Variants in ADAM12 observed in about 807,000 individuals in gnomAD.
ADAM12 encodes disintegrin and metalloproteinase domain-containing protein 12.
A neutral mutation model predicts 106.4 loss-of-function variants in ADAM12; 70 were observed. The observed-to-expected ratio is 0.66, with a 90% CI of 0.54 to 0.80. The LOEUF (loss-of-function observed/expected upper bound fraction) is 0.80, where lower values mean the gene tolerates loss of function less well. Ranked by LOEUF, ADAM12 falls within the 30% of genes least tolerant of loss-of-function variation. The probability of loss-of-function intolerance (pLI) is 0.00; values close to 1 mark genes in which losing one functional copy is unlikely to be tolerated. For synonymous variants in ADAM12, 420 were observed against 433.5 expected (o/e 0.97, Z 0.39); for missense variants, 1,010 against 1,171.9 (o/e 0.86, Z 2.02).
At chr10:126,331,263 G>GTCA (rs1269332252) in intron 1 of ADAM12, among the ~76,000 whole-genome samples, 1 of 152,134 alleles carries the variant, frequency 6.6e-6, no homozygotes, top group Non-Finnish European at 1.5e-5. Flanking sequence ...CTCCTATGAG[G>GTCA]TCATGCTCCT....
At chr10:126,288,393 T>C (rs1158108748) in intron 2 of ADAM12, among the ~76,000 whole-genome samples, 1 of 152,056 alleles carries the variant, frequency 6.6e-6, no homozygotes, top group Non-Finnish European at 1.5e-5. Flanking sequence ...GGATTCCACA[T>C]CCTCCTGCTC....
chr10:126,130,961 T>C (rs1333353310), intron 5 of ADAM12, among the ~76,000 whole-genome samples: 4 of 152,224 alleles, frequency 2.6e-5, no homozygotes, highest in African/African-American at 9.7e-5. Context: ...GATAGCCCTA[T>C]AAAGATAACC....
intron 1 of ADAM12, among the ~76,000 whole-genome samples, chr10:126,347,388 T>C (rs1358851108): frequency 6.6e-6 from 1 of 152,190 alleles, no homozygotes; most frequent in Non-Finnish European, 1.5e-5. Flanking sequence ...TGCTGAGAGA[T>C]CAGCTGTTAG....
chr10:126,237,417 T>C (rs370245730), intron 3 of ADAM12, among the ~76,000 whole-genome samples: 30 of 152,338 alleles, frequency 2.0e-4, no homozygotes, highest in South Asian at 1.7e-3. Context: ...TATCATTAAC[T>C]TGGGGCCGAC....
chr10:126,257,681 T>G (rs1590694582), intron 3 of ADAM12, among the ~76,000 whole-genome samples: 1 of 152,350 alleles, frequency 6.6e-6, no homozygotes, highest in East Asian at 1.9e-4. Flanking sequence ...TGAAATAACT[T>G]GCATCCATCA....
At chr10:126,373,556 A>T (rs1029935337) in intron 1 of ADAM12, among the ~76,000 whole-genome samples, 27 of 152,222 alleles carry the variant, frequency 1.8e-4, no homozygotes, top group Non-Finnish European at 2.9e-5. Flanking sequence ...AGAGGCCATG[A>T]AATGAGGGTG....
At position 126,046,124 on chromosome 10, in the gene ADAM12, C is replaced by T; in HGVS notation, c.1926G>A (p.Leu642=). 1 of 1,614,064 alleles carries T rather than the reference C, an allele frequency of 6.2e-7. No individual in the cohort carries two copies. The highest frequency in any genetic ancestry group is 8.5e-7 in the Non-Finnish European group (1 of 1,179,920). Residue 642 remains leucine (L), a synonymous_variant, in exon 17 of 23, where the codon CTG becomes CTA. Transcript: ENST00000448723. ...GTKCADGKIC[L]NRQCQNISVF... ...CACTAATATTTTGACATTGACGATT[C>T]AGGCAGATCTGTAGGAGGAGGAAAA...
At chr10:126,331,481 T>G (rs1055567057) in intron 1 of ADAM12, among the ~76,000 whole-genome samples, 3 of 152,226 alleles carry the variant, frequency 2.0e-5, no homozygotes, top group Admixed American at 6.5e-5. Context: ...CCCCAAATAC[T>G]TTTAAATCCA....
chr10:126,047,314 C>T (rs990542330), intron 16 of ADAM12, among the ~76,000 whole-genome samples: 1 of 152,116 alleles, frequency 6.6e-6, no homozygotes, highest in African/African-American at 2.4e-5. Context: ...TTGGGAGAAG[C>T]GCTGGCCCAA....
At chr10:126,374,950 T>C (rs747914864) in intron 1 of ADAM12, among the ~76,000 whole-genome samples, 9 of 151,976 alleles carry the variant, frequency 5.9e-5, no homozygotes, top group Non-Finnish European at 1.3e-4. Context: ...ACCAAAGAAC[T>C]ACCTTAAAAG....
chr10:126,054,975 C>A (rs1227212082), intron 14 of ADAM12, among the ~76,000 whole-genome samples: 1 of 152,202 alleles, frequency 6.6e-6, no homozygotes, highest in Non-Finnish European at 1.5e-5. Flanking sequence ...CCATCTCCCT[C>A]ACACTTCATG....
chr10:126,193,031 C>G (rs1347799429), intron 3 of ADAM12, among the ~76,000 whole-genome samples: 1 of 151,908 alleles, frequency 6.6e-6, no homozygotes, highest in African/African-American at 2.4e-5. Flanking sequence ...TTTGGAAGAC[C>G]AAGGTGGGTG....
intron 16 of ADAM12, among the ~76,000 whole-genome samples, chr10:126,046,801 C>CAAAA (rs60056450): frequency 4.0e-5 from 2 of 49,910 alleles, no homozygotes; most frequent in Non-Finnish European, 8.3e-5. Context: ...GATTCCGTCT[C>CAAAA]AAAAAAAAAA....
chr10:126,027,594 TAAAC>T (rs1460761561), intron 21 of ADAM12, among the ~76,000 whole-genome samples: 4 of 149,946 alleles, frequency 2.7e-5, no homozygotes, highest in African/African-American at 1.0e-4. Flanking sequence ...ATTCATCACA[TAAAC>T]AGAACTAGAG....
intron 12 of ADAM12, among the ~76,000 whole-genome samples, chr10:126,070,992 C>G (rs1285283051): frequency 1.3e-5 from 2 of 152,136 alleles, no homozygotes; most frequent in Non-Finnish European, 2.9e-5. Flanking sequence ...GCTCGAGAGG[C>G]AGAAGCCTCA....
At chr10:126,273,703 C>G (rs1959193552) in intron 3 of ADAM12, among the ~76,000 whole-genome samples, 6 of 152,120 alleles carry the variant, frequency 3.9e-5, no homozygotes, top group Admixed American at 3.9e-4. Context: ...TAGGCATAAC[C>G]TGATTTCCAT....
At chr10:126,095,533 CAAAAAAAAAA>C (rs11396229) in intron 10 of ADAM12, among the ~76,000 whole-genome samples, 9 of 46,576 alleles carry the variant, frequency 1.9e-4, no homozygotes, top group Admixed American at 1.2e-3. Context: ...GACTCTGTCT[CAAAAAAAAAA>C]AAAAAAAAAA....
intron 11 of ADAM12, among the ~76,000 whole-genome samples, chr10:126,087,910 T>A (rs1955387750): frequency 6.6e-6 from 1 of 152,178 alleles, no homozygotes; most frequent in Non-Finnish European, 1.5e-5. Context: ...TCCCACAGTA[T>A]GAGGTAGGAA....
At chr10:126,313,118 C>A (rs888107204) in intron 2 of ADAM12, among the ~76,000 whole-genome samples, 16 of 152,188 alleles carry the variant, frequency 1.1e-4, no homozygotes, top group Non-Finnish European at 4.4e-5. Flanking sequence ...CCTGAGCCTG[C>A]AGCTTGGCTG....
Sources: allele counts gnomAD v4.1 joint callset (sites outside exome capture counted in the v4.1 genomes callset), GRCh38; gene constraint gnomAD v4.1.1; transcripts MANE v1.5; gene names NCBI Gene and HGNC (gene_info 2026-07-23, HGNC 2026-07-21).